MACF1: variants seen among roughly 807,000 people sequenced by gnomAD.
MACF1 encodes microtubule-actin cross-linking factor 1.
MACF1 carries 193 observed loss-of-function variants against 854.8 expected under a neutral mutation model. That is an observed-to-expected ratio of 0.23 (90% confidence interval 0.20 to 0.25). The LOEUF (loss-of-function observed/expected upper bound fraction) is 0.25, where lower values mean the gene tolerates loss of function less well. Ranked by LOEUF, MACF1 falls within the 10% of genes least tolerant of loss-of-function variation. The pLI, the probability that MACF1 is intolerant of heterozygous loss-of-function variation, is 1.00. For missense variants in MACF1, 7,722 were observed against 8,929.1 expected, an observed-to-expected ratio of 0.86 and a Z score of 5.45; for synonymous variants, 3,185 against 3,226.7, an observed-to-expected ratio of 0.99 and a Z score of 0.44.
intron 15 of MACF1, 24 bp from the exon 16 acceptor site, chr1:39,291,886 A>G (rs768431543): frequency 1.9e-6 from 3 of 1,606,492 alleles, no homozygotes; most frequent in Non-Finnish European, 2.5e-6. Context: ...AAATTATGTC[A>G]TATATATATT....
chr1:39,476,073 T>G (rs1644876191), intron 97 of MACF1, among the ~76,000 whole-genome samples: 1 of 152,232 alleles, frequency 6.6e-6, no homozygotes, highest in Non-Finnish European at 1.5e-5. Context: ...TCAGACTTTT[T>G]TCCTGTATGT....
In MACF1 at chr1:39,447,869, C is replaced by T; in HGVS notation, c.19939C>T (p.Leu6647=). ...GCGATCTATTGAAAGAGGGCGATCA[C>T]TAGATGATGCCAGGAAGCGGGCAAA... ...VQRSIERGRS[L]DDARKRAKQF... is the part of the protein sequence containing the mutation. The change falls in exon 82 of 101, where the codon CTA becomes TTA. Residue 6647 remains leucine (L), a synonymous_variant. Transcript: ENST00000564288. 2.5e-6 allele frequency: 4 copies of T among 1,613,984 alleles called. No homozygotes were observed. The highest frequency in any genetic ancestry group is 1.3e-5 in the African/African-American group (1 of 74,988).
intron 49 of MACF1, among the ~76,000 whole-genome samples, chr1:39,365,720 G>C (rs976701706): frequency 1.8e-4 from 27 of 150,852 alleles, no homozygotes; most frequent in Non-Finnish European, 1.8e-4. Context: ...CTGTCACCCA[G>C]GCTGGGGTGC....
At chr1:39,364,953 CTT>C (rs1557611795) in intron 49 of MACF1, among the ~76,000 whole-genome samples, 2 of 151,974 alleles carry the variant, frequency 1.3e-5, no homozygotes, top group African/African-American at 4.8e-5. Flanking sequence ...ACATTTGAAT[CTT>C]TTAACAATTT....
chr1:39,318,770 A>G (rs1278481753), intron 30 of MACF1, among the ~76,000 whole-genome samples, 155 bp downstream of exon 30: 7 of 152,180 alleles, frequency 4.6e-5, no homozygotes, highest in African/African-American at 1.7e-4. Context: ...GTCCCAAGAT[A>G]CTGGTTTTGC....
At chr1:39,094,958 C>T (rs538604044) in intron 2 of MACF1, among the ~76,000 whole-genome samples, 2 of 152,112 alleles carry the variant, frequency 1.3e-5, no homozygotes, top group African/African-American at 2.4e-5. Flanking sequence ...AGGGCAAGGG[C>T]GAGGTATGGA....
intron 2 of MACF1, among the ~76,000 whole-genome samples, chr1:39,142,501 A>G (rs1357264165): frequency 6.6e-6 from 1 of 152,172 alleles, no homozygotes; most frequent in Non-Finnish European, 1.5e-5. Context: ...ATGGGTAAGG[A>G]GCAGTGTTTA....
chr1:39,263,961 G>A (rs1250417607), intron 6 of MACF1, among the ~76,000 whole-genome samples: 1 of 151,798 alleles, frequency 6.6e-6, no homozygotes, highest in Non-Finnish European at 1.5e-5. Context: ...TTTTAGTAGA[G>A]ATGGGGTTTC....
intron 58 of MACF1, among the ~76,000 whole-genome samples, chr1:39,418,086 A>ATAGGGTG (rs1643395409): frequency 6.6e-6 from 1 of 152,186 alleles, no homozygotes; most frequent in Non-Finnish European, 1.5e-5. Context: ...TTTGAAGACA[A>ATAGGGTG]TAGGGTGGAT....
At position 39,283,425 on chromosome 1, in the gene MACF1, T is replaced by C; in HGVS notation, c.825T>C (p.Ser275=). The C allele has an allele frequency of 6.2e-7, 1 of 1,611,236 alleles. No homozygotes were observed. The highest frequency in any genetic ancestry group is 8.5e-7 in the Non-Finnish European group (1 of 1,177,330). The change falls in exon 9 of 101, where the codon TCT becomes TCC. Residue 275 remains serine (S), a synonymous_variant. Coordinates refer to ENST00000564288, the MANE Select transcript of MACF1 (RefSeq NM_001394062.1). This position sits in a 1 kb window ranked among gnomAD's most constrained non-coding sequence, Gnocchi z 4.5. ...CTCTCTCAGATGTGGATGTGCCATCTCCAGATGAAAAGTCTGTAATCACTT... is the reference window on the plus strand; with the variant it reads ...CTCTCTCAGATGTGGATGTGCCATCCCCAGATGAAAAGTCTGTAATCACTT... The part of the protein sequence containing the change: ...LLDAEDVDVP[S]PDEKSVITYV...
Position 39,468,701 on chromosome 1 carries a change from T to C in MACF1, c.21858T>C (p.Asp7286=). ...TTGGTGGAGGATGGATGGCCTTGGATGAATTTTTAGTGAAAAATGATCCCT... is the reference window on the plus strand; with the variant it reads ...TTGGTGGAGGATGGATGGCCTTGGACGAATTTTTAGTGAAAAATGATCCCT... ...VRVGGGWMAL[D]EFLVKNDPCR... is the part of the protein sequence containing the mutation. Residue 7286 remains aspartate (D), a synonymous_variant, in exon 96 of 101, where the codon GAT becomes GAC. Transcript: ENST00000564288. 6.2e-7 allele frequency: 1 copy of C among 1,614,230 alleles called. No homozygotes were observed. The highest frequency in any genetic ancestry group is 1.1e-5 in the South Asian group (1 of 91,092).
chr1:39,304,586 C>G, intron 23 of MACF1: 1 of 738,730 alleles, frequency 1.4e-6, no homozygotes, highest in South Asian at 1.6e-5. Flanking sequence ...TTTCTTGAGA[C>G]AGAGCCTTGC....
At chr1:39,175,362 G>A (rs1360611722) in intron 2 of MACF1, among the ~76,000 whole-genome samples, 3 of 152,176 alleles carry the variant, frequency 2.0e-5, no homozygotes, top group African/African-American at 4.8e-5. Flanking sequence ...GAAAAAATAA[G>A]TATTCTCAAA....
Position 39,409,486 on chromosome 1 carries a change from G to T in MACF1, c.15817-12888G>T, listed in dbSNP as rs1294856479. The stretch of plus-strand genomic sequence containing the variant: ...CGGGGAAGCGGGCCGTGCTGAGCGA[G>T]CCCCTCCGACAGACCCGCGGCCGCT... On this transcript the variant is annotated intron_variant, in intron 58 of 100. Coordinates refer to ENST00000564288, the MANE Select transcript of MACF1 (RefSeq NM_001394062.1). This position sits in a 1 kb window ranked among gnomAD's most constrained non-coding sequence, Gnocchi z 4.2. The T allele has an allele frequency of 6.6e-6, 1 of 152,248 alleles. No homozygotes were observed. 9.4% of individuals were successfully genotyped at this position (152,248 alleles called of 1,614,324 possible).
intron 2 of MACF1, among the ~76,000 whole-genome samples, chr1:39,125,856 G>A (rs1642846590): frequency 6.6e-6 from 1 of 152,180 alleles, no homozygotes; most frequent in South Asian, 2.1e-4. Flanking sequence ...AGCTGGGCGT[G>A]GTGGCATGCG....
At position 39,410,547 on chromosome 1, in the gene MACF1, T is replaced by A. The variant is rs528225525; in HGVS notation, c.15817-11827T>A. The A allele has an allele frequency of 5.6e-5, 91 of 1,613,986 alleles. 2 individuals are homozygous for A. In the East Asian group the frequency reaches 2.0e-3, roughly 36 times the overall value. On this transcript the variant is annotated intron_variant, in intron 58 of 100. Transcript: ENST00000564288. The stretch of plus-strand genomic sequence containing the variant: ...GAGCACCAGAAGGTAAGAAGCTGGA[T>A]GAGAGGATAATATTTGATGCACTAA...
intron 2 of MACF1, among the ~76,000 whole-genome samples, chr1:39,234,363 C>T (rs867947725): frequency 2.2e-4 from 33 of 151,670 alleles, no homozygotes; most frequent in Middle Eastern, 3.4e-3. Flanking sequence ...CCAGTAGGGG[C>T]GGCCGGGCAG....
Position 39,484,589 on chromosome 1 carries a change from A to AT in MACF1, c.22282-4dup, listed in dbSNP as rs749977198. 36 of 1,599,748 alleles carry AT rather than the reference A, an allele frequency of 2.3e-5. No homozygotes were observed. The highest frequency in any genetic ancestry group is 1.4e-4 in the South Asian group (12 of 88,622). On this transcript the variant is annotated splice_polypyrimidine_tract_variant and intron_variant, in intron 99 of 100. Transcript: ENST00000564288. Reference sequence around the variant, plus strand: ...CCAAGTAAAATGTGACCTTTTTATTATTTTTTTTAAGGTTATCCCATCATC... The same window carrying AT: ...CCAAGTAAAATGTGACCTTTTTATTATTTTTTTTTAAGGTTATCCCATCATC...
rs767763887 is a variant in MACF1, at chr1:39,439,352, T to A, written c.18299T>A (p.Phe6100Tyr). 6.2e-7 allele frequency: 1 copy of A among 1,614,012 alleles called. No individual in the cohort carries two copies. The highest frequency in any genetic ancestry group is 1.1e-5 in the South Asian group (1 of 91,078). The change falls in exon 72 of 101, where the codon TTT (phenylalanine) becomes TAT (tyrosine). Residue 6100 changes from phenylalanine (F) to tyrosine (Y), a missense_variant. Physicochemically the swap from Phe to Tyr is conservative, Grantham distance 22. Transcript: ENST00000564288. The part of the protein sequence containing the change: ...KARAEEREIK[F>Y]LDVLELAEKF... ...CGGGCTGAAGAACGAGAAATCAAAT[T>A]TCTTGATGTCCTTGAATTAGCAGAG...
Sources: gnomAD v4.1 joint callset for allele counts (sites outside exome capture counted in the v4.1 genomes callset) on GRCh38, gnomAD v4.1.1 for gene constraint, Gnocchi (gnomAD v3.1) non-coding constraint, MANE v1.5 for transcripts, NCBI Gene and HGNC (gene_info 2026-07-23, HGNC 2026-07-21) for gene names.